SLC45A4: variants seen among roughly 807,000 people sequenced by gnomAD.
SLC45A4 encodes the protein polyamine-transporter SLC45A4.
Under a neutral mutation model 63.7 loss-of-function variants are expected in SLC45A4, and 32 were observed. That is an observed-to-expected ratio of 0.50 (90% CI 0.38 to 0.67). SLC45A4 has a LOEUF of 0.67. Among genes scored for constraint, SLC45A4 ranks in the 30% least tolerant of loss-of-function variants. The pLI is 0.00. For missense variants in SLC45A4, 1,027 were observed against 1,157.7 expected (o/e 0.89, Z 1.64); for synonymous variants, 535 against 510.0 (o/e 1.05, Z -0.66).
At chr8:141,273,895 G>T (rs183970630) in intron 1 of SLC45A4, among the ~76,000 whole-genome samples, 22 of 152,298 alleles carry the variant, frequency 1.4e-4, no homozygotes, top group African/African-American at 5.1e-4. Context: ...AAGTATGACG[G>T]ATATTTCAGC....
At chr8:141,216,980 T>G in intron 6 of SLC45A4, 110 bp downstream of exon 6, 1 of 1,089,178 alleles carries the variant, frequency 9.2e-7, no homozygotes, top group Non-Finnish European at 1.4e-6. Flanking sequence ...GACCCAGAAG[T>G]CAGTGCGACT....
rs1237971284 is a variant in SLC45A4 at position 141,278,806 on chromosome 8, AG to A, written c.-400-24178del. ...GTGGGCAGCACTGCAGGATGCAGCA[AG>A]GGCTGCTCAGACCTGCTGGGGGCAT... is the stretch of plus-strand genomic sequence containing the variant. On this transcript the variant is annotated intron_variant, in intron 1 of 8. Coordinates refer to ENST00000517878, the MANE Select transcript of SLC45A4 (RefSeq NM_001286646.2). This position sits in a 1 kb window ranked among gnomAD's most constrained non-coding sequence, Gnocchi z 4.1. Among the ~76,000 whole-genome samples, 2 of 152,264 alleles carry A rather than the reference AG, an allele frequency of 1.3e-5. No homozygotes were observed. The highest frequency in any genetic ancestry group is 1.3e-4 in the Admixed American group (2 of 15,294).
intron 4 of SLC45A4, 54 bp from the exon 5 acceptor site, chr8:141,219,083 G>A (rs1049924755): frequency 5.4e-5 from 84 of 1,560,170 alleles, no homozygotes; most frequent in Non-Finnish European, 1.0e-5. Context: ...CCACAGGGGG[G>A]GAAGCTCTGG....
chr8:141,246,964 A>T (rs1828238286), intron 2 of SLC45A4, among the ~76,000 whole-genome samples: 2 of 152,190 alleles, frequency 1.3e-5, no homozygotes, highest in Non-Finnish European at 1.5e-5. Flanking sequence ...TAATAGAAAA[A>T]TAATAAACTA....
chr8:141,264,685 C>T (rs1829187941), intron 1 of SLC45A4, among the ~76,000 whole-genome samples: 1 of 152,226 alleles, frequency 6.6e-6, no homozygotes, highest in Non-Finnish European at 1.5e-5. Flanking sequence ...GCTCCTGCAC[C>T]TGTCCAAGTC....
intron 2 of SLC45A4, among the ~76,000 whole-genome samples, chr8:141,245,476 A>G (rs180885454): frequency 1.8e-3 from 277 of 152,300 alleles, no homozygotes; most frequent in South Asian, 2.9e-3. Context: ...TCTTCTGTCC[A>G]GGGTTCCCAG....
In SLC45A4 at chr8:141,282,876, G is replaced by C. The variant is rs181567193; in HGVS notation, c.-401+25220C>G. ...ATCTGGGTGCCCAGAAGTGGGGCTG[G>C]CTGGCACGTGAGTCAGAGATGCAGG... On this transcript the variant is annotated intron_variant, in intron 1 of 8. Transcript: ENST00000517878. Among the ~76,000 whole-genome samples, 18 of 152,366 alleles carry C rather than the reference G, an allele frequency of 1.2e-4. No individual in the cohort carries two copies. The East Asian group carries it at 3.5e-3, about 29-fold the overall frequency.
rs541574376 is a variant in SLC45A4, at chr8:141,211,365, G to A, written c.*207C>T. 183 of 1,458,566 alleles carry A rather than the reference G, an allele frequency of 1.3e-4. No individual in the cohort carries two copies. Among genetic ancestry groups the A allele is most frequent in the Admixed American group, 5.7e-4 (24 of 41,766 alleles). 90.4% of individuals were successfully genotyped at this position (1,458,566 alleles called of 1,614,324 possible). A position where few individuals can be genotyped will look rare whatever the true frequency, so the allele number is the denominator to read the frequency against. ...CACTCACACGCGCACGCAGGAGCTC[G>A]TCTGGAGCTCACGCTCCGCCCCCAG... On this transcript the variant is annotated 3_prime_UTR_variant, in exon 9 of 9. Transcript: ENST00000517878.
intron 1 of SLC45A4, among the ~76,000 whole-genome samples, chr8:141,277,346 T>C (rs1829767665): frequency 6.6e-6 from 1 of 152,242 alleles, no homozygotes; most frequent in African/African-American, 2.4e-5. Context: ...TGCCCGAATA[T>C]TAAAACCTTG....
At chr8:141,217,250 CG>C in intron 5 of SLC45A4, 61 bp from the exon 6 acceptor site, 1 of 1,548,110 alleles carries the variant, frequency 6.5e-7, no homozygotes, top group Non-Finnish European at 8.9e-7. Context: ...AGGCCAGGAG[CG>C]TATTTCCCAT....
At chr8:141,304,033 C>CT (rs1303817049) in intron 1 of SLC45A4, among the ~76,000 whole-genome samples, 4 of 152,026 alleles carry the variant, frequency 2.6e-5, no homozygotes, top group Non-Finnish European at 5.9e-5. Flanking sequence ...CCGACAGACT[C>CT]TGAGAGTGAA....
At chr8:141,257,447 G>C (rs1828846416) in intron 1 of SLC45A4, among the ~76,000 whole-genome samples, 1 of 152,196 alleles carries the variant, frequency 6.6e-6, no homozygotes, top group Non-Finnish European at 1.5e-5. Flanking sequence ...AGGAACAAAA[G>C]CAATTAGTTT....
At position 141,224,068 on chromosome 8, in the gene SLC45A4, T is replaced by C. The variant is rs1375213952; in HGVS notation, c.242-2303A>G. Among the ~76,000 whole-genome samples, 7 of 152,126 alleles carry C rather than the reference T, an allele frequency of 4.6e-5. No homozygotes were observed. In the East Asian group the frequency reaches 1.3e-3, roughly 29 times the overall value. Reference sequence around the variant, plus strand: ...TGACGACAAATGCTCTTGGATTCTGTCTGAACTCTCCTTATTACACTTACA... The same window carrying C: ...TGACGACAAATGCTCTTGGATTCTGCCTGAACTCTCCTTATTACACTTACA... On this transcript the variant is annotated intron_variant, in intron 2 of 8. Transcript: ENST00000517878.
At chr8:141,260,886 T>A (rs1829015526) in intron 1 of SLC45A4, among the ~76,000 whole-genome samples, 1 of 152,220 alleles carries the variant, frequency 6.6e-6, no homozygotes, top group Admixed American at 6.5e-5. Context: ...GAGGCCAGCA[T>A]CATCCTGATA....
At chr8:141,285,924 C>T (rs542308662) in intron 1 of SLC45A4, among the ~76,000 whole-genome samples, 87 of 152,308 alleles carry the variant, frequency 5.7e-4, no homozygotes, top group Non-Finnish European at 1.1e-3. Context: ...AGAACAGGGC[C>T]GGGCACCTCC....
At chr8:141,281,564 A>G (rs1251694385) in intron 1 of SLC45A4, among the ~76,000 whole-genome samples, 1 of 152,236 alleles carries the variant, frequency 6.6e-6, no homozygotes, top group Non-Finnish European at 1.5e-5. Flanking sequence ...TCTCAGAGAC[A>G]AGGTACTGTC....
rs182239488 is a variant in SLC45A4, at chr8:141,215,199, G to C, written c.1941+560C>G. Among the ~76,000 whole-genome samples, 3 of 152,320 alleles carry C rather than the reference G, an allele frequency of 2.0e-5. No individual in the cohort carries two copies. In the East Asian group the frequency reaches 5.8e-4, roughly 29 times the overall value. ...CTACTGAGCATTTGAGATAAAGCTC[G>C]TCTCATGTGTGATGTGCTGTGATGT... On this transcript the variant is annotated intron_variant, in intron 7 of 8. Coordinates refer to ENST00000517878, the MANE Select transcript of SLC45A4 (RefSeq NM_001286646.2). The surrounding 1 kb of genome is among the most constrained non-coding windows in gnomAD (Gnocchi z 4.3).
At chr8:141,303,767 A>G (rs116171694) in intron 1 of SLC45A4, among the ~76,000 whole-genome samples, 2,312 of 152,308 alleles carry the variant, frequency 0.015, 64 homozygotes, top group African/African-American at 0.052. Context: ...GAGTTCAGGA[A>G]TGCAGTTTCC....
intron 1 of SLC45A4, among the ~76,000 whole-genome samples, chr8:141,257,103 C>T (rs755394009): frequency 4.6e-5 from 7 of 152,176 alleles, no homozygotes; most frequent in Non-Finnish European, 8.8e-5. Context: ...CCACCTGCTT[C>T]GGCCTCCCAA....
Sources: allele counts gnomAD v4.1 joint callset (sites outside exome capture counted in the v4.1 genomes callset), GRCh38; gene constraint gnomAD v4.1.1; non-coding constraint Gnocchi (gnomAD v3.1); transcripts MANE v1.5; gene names NCBI Gene and HGNC (gene_info 2026-07-23, HGNC 2026-07-21).